Variants in PHLPP1 observed in about 807,000 individuals in gnomAD.
The protein encoded by PHLPP1 is PH domain leucine-rich repeat-containing protein phosphatase 1.
Under a neutral mutation model 117.2 loss-of-function variants are expected in PHLPP1, and 42 were observed. The observed-to-expected ratio is 0.36, with a 90% confidence interval of 0.28 to 0.46. The LOEUF (loss-of-function observed/expected upper bound fraction) is 0.46. PHLPP1 is among the 20% of genes least tolerant of loss of function. The pLI is 1.00. For missense variants in PHLPP1, 2,084 were observed against 2,241.9 expected (o/e 0.93, Z 1.42); for synonymous variants, 1,042 against 970.7 (o/e 1.07, Z -1.37).
intron 10 of PHLPP1, among the ~76,000 whole-genome samples, chr18:62,930,482 T>C (rs1298160614): frequency 1.3e-5 from 2 of 151,982 alleles, no homozygotes; most frequent in Non-Finnish European, 2.9e-5. Flanking sequence ...AATTGCATTA[T>C]ATAATAAAGG....
At chr18:62,750,221 C>T (rs1222525205) in intron 1 of PHLPP1, among the ~76,000 whole-genome samples, 1 of 152,098 alleles carries the variant, frequency 6.6e-6, no homozygotes, top group South Asian at 2.1e-4. Context: ...GCTTGAAACA[C>T]CCATTTTTCA....
At position 62,952,648 on chromosome 18, in the gene PHLPP1, A is replaced by G. The variant is rs78269127; in HGVS notation, c.3325-5981A>G. Among the ~76,000 whole-genome samples, 813 of 152,322 alleles carry G rather than the reference A, an allele frequency of 5.3e-3. 7 individuals are homozygous for G. The highest frequency in any genetic ancestry group is 0.019 in the African/African-American group (773 of 41,560). ...TATACAAATATGATTTTTTTAAAAAAGAGGGTCTTGCTCTGTTGCGCATGC... is the reference window on the plus strand; with the variant it reads ...TATACAAATATGATTTTTTTAAAAAGGAGGGTCTTGCTCTGTTGCGCATGC... On this transcript the variant is annotated intron_variant, in intron 12 of 16. Coordinates refer to ENST00000262719, the MANE Select transcript of PHLPP1 (RefSeq NM_194449.4).
chr18:62,821,548 CCAAAAAA>C (rs1294125751), intron 1 of PHLPP1, among the ~76,000 whole-genome samples: 114 of 29,340 alleles, frequency 3.9e-3, no homozygotes, highest in African/African-American at 0.012. Flanking sequence ...GACCCTTTAT[CCAAAAAA>C]AAAAAAAAAA....
chr18:62,804,827 T>C (rs1268065268), intron 1 of PHLPP1, among the ~76,000 whole-genome samples: 1 of 148,746 alleles, frequency 6.7e-6, no homozygotes, highest in Non-Finnish European at 1.5e-5. Context: ...ACACTGTATA[T>C]ATTATACATA....
chr18:62,879,558 T>C (rs1351854691), intron 4 of PHLPP1, among the ~76,000 whole-genome samples: 3 of 152,058 alleles, frequency 2.0e-5, no homozygotes, highest in Admixed American at 1.3e-4. Context: ...ATTACAGGCG[T>C]GTGCCACCAC....
chr18:62,841,069 G>T (rs1404273289), intron 3 of PHLPP1, among the ~76,000 whole-genome samples: 1 of 152,068 alleles, frequency 6.6e-6, no homozygotes, highest in East Asian at 1.9e-4. Flanking sequence ...TGTATTTTTA[G>T]TAGAGATGGG....
intron 1 of PHLPP1, among the ~76,000 whole-genome samples, chr18:62,780,214 A>C (rs1334017859): frequency 6.6e-6 from 1 of 152,192 alleles, no homozygotes; most frequent in Non-Finnish European, 1.5e-5. Flanking sequence ...AAACATCTGA[A>C]GGATTCAGAA....
At chr18:62,954,536 T>C (rs948477959) in intron 12 of PHLPP1, among the ~76,000 whole-genome samples, 9 of 152,150 alleles carry the variant, frequency 5.9e-5, no homozygotes, top group African/African-American at 2.2e-4. Flanking sequence ...CATGACAGAG[T>C]GCTTCTAAGC....
chr18:62,801,030 TCCCTCCCTCC>T (rs1913764466), intron 1 of PHLPP1, among the ~76,000 whole-genome samples: 4 of 15,188 alleles, frequency 2.6e-4, no homozygotes, highest in African/African-American at 5.8e-4. Context: ...CCTCCCTCCC[TCCCTCCCTCC>T]CTCCCTCCCT....
chr18:62,888,908 A>C (rs570607319), intron 4 of PHLPP1, among the ~76,000 whole-genome samples: 1 of 152,314 alleles, frequency 6.6e-6, no homozygotes, highest in East Asian at 1.9e-4. Context: ...ATCTCTCATA[A>C]CTTAAACATT....
intron 10 of PHLPP1, among the ~76,000 whole-genome samples, chr18:62,934,302 C>T (rs1483674172): frequency 6.6e-6 from 1 of 152,104 alleles, no homozygotes; most frequent in Non-Finnish European, 1.5e-5. Context: ...TTCACAATAG[C>T]AAAGTCATGG....
chr18:62,716,172 C>T lies in PHLPP1; in HGVS notation c.489C>T (p.Ala163=). The part of the protein sequence containing the change: ...GAAGLPASCS[A]SASLCTRSLD... ...CCGGCCTCCCCGCCTCCTGCTCGGC[C>T]TCGGCGTCGCTGTGCACCCGGAGCC... is the stretch of plus-strand genomic sequence containing the variant. Residue 163 remains alanine, a synonymous_variant, in exon 1 of 17, where the codon GCC becomes GCT. Coordinates refer to ENST00000262719, the MANE Select transcript of PHLPP1 (RefSeq NM_194449.4). This position sits in a 1 kb window ranked among gnomAD's most constrained non-coding sequence, Gnocchi z 5.7. The T allele has an allele frequency of 2.6e-6, 4 of 1,519,906 alleles. No homozygotes were observed. The highest frequency in any genetic ancestry group is 3.5e-6 in the Non-Finnish European group (4 of 1,139,842). 94.2% of individuals were successfully genotyped at this position (1,519,906 alleles called of 1,614,324 possible). A position where few individuals can be genotyped will look rare whatever the true frequency, so the allele number is the denominator to read the frequency against.
intron 10 of PHLPP1, among the ~76,000 whole-genome samples, chr18:62,941,243 A>G (rs866528557): frequency 5.9e-5 from 9 of 152,230 alleles, no homozygotes; most frequent in African/African-American, 2.2e-4. Context: ...TTTTATTACT[A>G]TAAGAACCAT....
chr18:62,948,492 A>T lies in PHLPP1; in HGVS notation c.3324+3221A>T, dbSNP rs190070724. On this transcript the variant is annotated intron_variant, in intron 12 of 16. Transcript: ENST00000262719. ...CCTTCCCCTGTTGTCTTCTCTCTGTACCTGCTTTACAACTCCTTTTCAATT... is the reference window on the plus strand; with the variant it reads ...CCTTCCCCTGTTGTCTTCTCTCTGTTCCTGCTTTACAACTCCTTTTCAATT... Among the ~76,000 whole-genome samples the T allele has an allele frequency of 3.2e-3, 490 of 152,224 alleles. 3 individuals are homozygous for T. The highest frequency in any genetic ancestry group is 5.5e-3 in the Non-Finnish European group (375 of 68,010).
At chr18:62,810,561 C>T (rs1209801581) in intron 1 of PHLPP1, among the ~76,000 whole-genome samples, 1 of 151,990 alleles carries the variant, frequency 6.6e-6, no homozygotes, top group Non-Finnish European at 1.5e-5. Context: ...ACAACAATAA[C>T]TAAGAATAAA....
rs772126306 is a variant in PHLPP1 at position 62,838,775 on chromosome 18, C to G, written c.1774-9C>G. On this transcript the variant is annotated splice_polypyrimidine_tract_variant and intron_variant, in intron 2 of 16. Transcript: ENST00000262719. The stretch of plus-strand genomic sequence containing the variant: ...ACTTGTTTCTGCTTCTCTCTGTTTG[C>G]TTTTATAGGTAGAAGAAGTGAAAAA... The G allele has an allele frequency of 6.2e-7, 1 of 1,613,436 alleles. No homozygotes were observed. The highest frequency in any genetic ancestry group is 8.5e-7 in the Non-Finnish European group (1 of 1,179,584).
chr18:62,780,615 C>T (rs1913092283), intron 1 of PHLPP1, among the ~76,000 whole-genome samples: 1 of 152,210 alleles, frequency 6.6e-6, no homozygotes, highest in Non-Finnish European at 1.5e-5. Context: ...TTTGTTAAAA[C>T]ATGGATTGCT....
intron 10 of PHLPP1, among the ~76,000 whole-genome samples, chr18:62,921,439 A>G (rs1271664789): frequency 1.3e-5 from 2 of 152,172 alleles, no homozygotes; most frequent in African/African-American, 4.8e-5. Context: ...GCCGAATTAG[A>G]TTTCCCACTG....
At position 62,955,317 on chromosome 18, in the gene PHLPP1, C is replaced by T. The variant is rs567203447; in HGVS notation, c.3325-3312C>T. Among the ~76,000 whole-genome samples the T allele has an allele frequency of 5.3e-5, 8 of 152,226 alleles. No homozygotes were observed. In the South Asian group the frequency reaches 6.2e-4, roughly 12 times the overall value. Reference sequence around the variant, plus strand: ...TTGGACATTCTGAGGAGTTTGGTGTCGGGTTGAAGGACACCTGGGAGCAGG... The same window carrying T: ...TTGGACATTCTGAGGAGTTTGGTGTTGGGTTGAAGGACACCTGGGAGCAGG... On this transcript the variant is annotated intron_variant, in intron 12 of 16. Transcript: ENST00000262719.
Sources: gnomAD v4.1 joint callset for allele counts (sites outside exome capture counted in the v4.1 genomes callset) on GRCh38, gnomAD v4.1.1 for gene constraint, Gnocchi (gnomAD v3.1) non-coding constraint, MANE v1.5 for transcripts, NCBI Gene and HGNC (gene_info 2026-07-23, HGNC 2026-07-21) for gene names.